Variants in QRICH1 observed in about 807,000 individuals in gnomAD.
QRICH1 encodes the protein glutamine rich 1, also known as transcriptional regulator QRICH1.
Under a neutral mutation model 87.1 loss-of-function variants are expected in QRICH1, and 16 were observed. That is an observed-to-expected ratio of 0.18 (90% confidence interval 0.12 to 0.28). QRICH1 has a LOEUF of 0.28. Ranked by LOEUF, QRICH1 falls within the 10% of genes least tolerant of loss-of-function variation. The pLI is 1.00. For synonymous variants in QRICH1, 367 were observed against 368.4 expected, an observed-to-expected ratio of 1.00 and a Z score of 0.05; for missense variants, 647 against 951.7, an observed-to-expected ratio of 0.68 and a Z score of 4.21.
intron 1 of QRICH1, among the ~76,000 whole-genome samples, chr3:49,091,067 C>CA (rs994258509): frequency 2.0e-5 from 3 of 151,814 alleles, no homozygotes; most frequent in African/African-American, 7.3e-5. Context: ...CTAAAAAATA[C>CA]AAAAAATGAG....
chr3:49,051,805 G>A (rs2093372949), intron 3 of QRICH1, among the ~76,000 whole-genome samples: 1 of 152,142 alleles, frequency 6.6e-6, no homozygotes. Flanking sequence ...GCTAGAGCAT[G>A]GGAGGCAGTG....
chr3:49,050,158 A>G (rs1575339400), intron 3 of QRICH1, among the ~76,000 whole-genome samples: 1 of 150,366 alleles, frequency 6.7e-6, no homozygotes, highest in Non-Finnish European at 1.5e-5. Context: ...CTGAGGCAGG[A>G]GAATGGCGTG....
At chr3:49,077,953 C>T (rs1321973604) in intron 1 of QRICH1, among the ~76,000 whole-genome samples, 3 of 152,244 alleles carry the variant, frequency 2.0e-5, no homozygotes, top group Non-Finnish European at 4.4e-5. Context: ...AACCTGCAGA[C>T]GTACAGTTAA....
At chr3:49,079,642 G>A (rs188494642) in intron 1 of QRICH1, among the ~76,000 whole-genome samples, 20 of 152,140 alleles carry the variant, frequency 1.3e-4, no homozygotes, top group African/African-American at 4.6e-4. Context: ...AAGGCTACTT[G>A]GCTTAGGTGA....
At chr3:49,056,604 T>G in intron 3 of QRICH1, 1 of 605,508 alleles carries the variant, frequency 1.7e-6, no homozygotes, top group Non-Finnish European at 2.9e-6. Flanking sequence ...GAAGTGTCCA[T>G]GGTACTTAAA....
At chr3:49,050,954 C>T (rs2093366975) in intron 3 of QRICH1, among the ~76,000 whole-genome samples, 1 of 152,158 alleles carries the variant, frequency 6.6e-6, no homozygotes, top group African/African-American at 2.4e-5. Context: ...CAGGGAGCAA[C>T]CCATCTTTCC....
In QRICH1 at chr3:49,048,853, T is replaced by C. The variant is rs570234558; in HGVS notation, c.1339-1607A>G. ...CACACTTGGGCCTTATCTCCAGCCA[T>C]TGTAAGGTAGAGGCACATTGTCAGT... On this transcript the variant is annotated intron_variant, in intron 3 of 9. Coordinates refer to ENST00000395443, the MANE Select transcript of QRICH1 (RefSeq NM_198880.3). Among the ~76,000 whole-genome samples, 9 of 149,190 alleles carry C rather than the reference T, an allele frequency of 6.0e-5. No individual in the cohort carries two copies. The East Asian group carries it at 9.9e-4, about 16-fold the overall frequency.
At chr3:49,078,850 C>T (rs1023265969) in intron 1 of QRICH1, among the ~76,000 whole-genome samples, 50 of 151,772 alleles carry the variant, frequency 3.3e-4, no homozygotes, top group Non-Finnish European at 1.8e-4. Context: ...CACCACCATG[C>T]CCAGCTAATT....
At chr3:49,037,072 T>A (rs1319845266) in intron 6 of QRICH1, among the ~76,000 whole-genome samples, 1 of 74,602 alleles carries the variant, frequency 1.3e-5, no homozygotes, top group Non-Finnish European at 2.9e-5. Context: ...CCCCCGTCTC[T>A]TAAAAAAAAA....
intron 2 of QRICH1, among the ~76,000 whole-genome samples, chr3:49,063,280 C>T (rs1575356170): frequency 6.6e-6 from 1 of 152,146 alleles, no homozygotes; most frequent in African/African-American, 2.4e-5. Context: ...AGTTTCCATG[C>T]CAACAGCAGC....
intron 1 of QRICH1, among the ~76,000 whole-genome samples, chr3:49,090,034 G>A (rs2042244102): frequency 6.6e-6 from 1 of 152,180 alleles, no homozygotes; most frequent in South Asian, 2.1e-4. Context: ...GAAAAACATG[G>A]GCGGGCGCAG....
At chr3:49,088,618 GTTTTTTTTTTTT>G (rs1206382284) in intron 1 of QRICH1, among the ~76,000 whole-genome samples, 1 of 93,180 alleles carries the variant, frequency 1.1e-5, no homozygotes, top group African/African-American at 3.9e-5. Flanking sequence ...GCTTTTGTCT[GTTTTTTTTTTTT>G]TTTTTTTTTT....
At position 49,057,992 on chromosome 3, in the gene QRICH1, T is replaced by C; in HGVS notation, c.310-102A>G. 4 of 1,584,458 alleles carry C rather than the reference T, an allele frequency of 2.5e-6. No individual in the cohort carries two copies. The highest frequency in any genetic ancestry group is 3.4e-6 in the Non-Finnish European group (4 of 1,168,738). On this transcript the variant is annotated intron_variant, in intron 2 of 9. Transcript: ENST00000395443. The surrounding 1 kb of genome is among the most constrained non-coding windows in gnomAD (Gnocchi z 5.4). ...GATCCCAGACAGGGGACCTGCAAAA[T>C]GTGAGAAAACACTGGCATACTCAAG...
chr3:49,054,615 C>G (rs1480728397), intron 3 of QRICH1, among the ~76,000 whole-genome samples: 1 of 152,040 alleles, frequency 6.6e-6, no homozygotes, highest in African/African-American at 2.4e-5. Context: ...TACAGTTCAA[C>G]AGTTCAAGGC....
chr3:49,052,693 C>T (rs892032646), intron 3 of QRICH1, among the ~76,000 whole-genome samples: 5 of 151,952 alleles, frequency 3.3e-5, no homozygotes, highest in Admixed American at 6.6e-5. Flanking sequence ...TTAGTAGAGA[C>T]GGGGTTTCAC....
intron 9 of QRICH1, among the ~76,000 whole-genome samples, chr3:49,031,355 C>G (rs1264138355): frequency 1.3e-5 from 2 of 152,112 alleles, no homozygotes; most frequent in Admixed American, 6.6e-5. Flanking sequence ...GTTCACCCCC[C>G]TCCCCCGAAC....
intron 6 of QRICH1, among the ~76,000 whole-genome samples, chr3:49,041,910 T>C (rs2093312501): frequency 6.6e-6 from 1 of 151,520 alleles, no homozygotes; most frequent in Admixed American, 6.6e-5. Flanking sequence ...TTATCTGGGA[T>C]TACAGGTGTG....
At chr3:49,059,457 G>A (rs1251971428) in intron 2 of QRICH1, among the ~76,000 whole-genome samples, 1 of 142,816 alleles carries the variant, frequency 7.0e-6, no homozygotes, top group Non-Finnish European at 1.5e-5. Context: ...GAGTCTCGCT[G>A]TTACCAGGCT....
chr3:49,059,038 T>C (rs2093419467), intron 2 of QRICH1, among the ~76,000 whole-genome samples: 2 of 150,890 alleles, frequency 1.3e-5, no homozygotes, highest in South Asian at 4.2e-4. Context: ...CTCAGCTCAC[T>C]GCAAGCTCCG....
Sources: gnomAD v4.1 joint callset for allele counts (sites outside exome capture counted in the v4.1 genomes callset) on GRCh38, gnomAD v4.1.1 for gene constraint, Gnocchi (gnomAD v3.1) non-coding constraint, MANE v1.5 for transcripts, NCBI Gene and HGNC (gene_info 2026-07-23, HGNC 2026-07-21) for gene names.